Variants in VIPR2 observed in about 807,000 individuals in gnomAD.
VIPR2 encodes vasoactive intestinal polypeptide receptor 2.
Under a neutral mutation model 58.0 loss-of-function variants are expected in VIPR2, and 48 were observed. That is an observed-to-expected ratio of 0.83 (90% CI 0.66 to 1.05). The LOEUF is 1.05. Among genes scored for constraint, VIPR2 ranks in the 50% least tolerant of loss-of-function variants. VIPR2 has a pLI of 0.00. For missense variants in VIPR2, 534 were observed against 558.0 expected (o/e 0.96, Z 0.43); for synonymous variants, 243 against 235.2 (o/e 1.03, Z -0.30).
rs1213920807 is a variant in VIPR2, at chr7:159,089,985, G to A, written c.357+13772C>T. ...ATCAAAAGCAAGGCAGGCACCAAAGGAGACACTTAGCACAGACATGCTGGG... is the reference window on the plus strand; with the variant it reads ...ATCAAAAGCAAGGCAGGCACCAAAGAAGACACTTAGCACAGACATGCTGGG... On this transcript the variant is annotated intron_variant, in intron 4 of 12. Coordinates refer to ENST00000262178, the MANE Select transcript of VIPR2 (RefSeq NM_003382.5). 4.6e-5 allele frequency among the ~76,000 whole-genome samples: 7 copies of A among 152,160 alleles called. No individual in the cohort carries two copies. In the East Asian group the frequency reaches 1.4e-3, roughly 29 times the overall value.
intron 6 of VIPR2, among the ~76,000 whole-genome samples, chr7:159,039,213 C>A (rs1288345550): frequency 6.6e-6 from 1 of 152,220 alleles, no homozygotes; most frequent in Non-Finnish European, 1.5e-5. Flanking sequence ...AATCCCAGCA[C>A]TTTGGGAGGC....
intron 8 of VIPR2, among the ~76,000 whole-genome samples, chr7:159,035,545 G>T (rs998265350): frequency 6.6e-6 from 1 of 152,238 alleles, no homozygotes; most frequent in Non-Finnish European, 1.5e-5. Context: ...GCTCTGGGCC[G>T]CATGAGCCAA....
intron 2 of VIPR2, among the ~76,000 whole-genome samples, chr7:159,139,548 A>G (rs1293269253): frequency 6.6e-6 from 1 of 152,192 alleles, no homozygotes; most frequent in South Asian, 2.1e-4. Context: ...AGTTCCTGAC[A>G]TGTAGATCGA....
At chr7:159,067,486 C>A (rs1407519986) in intron 4 of VIPR2, among the ~76,000 whole-genome samples, 1 of 152,238 alleles carries the variant, frequency 6.6e-6, no homozygotes, top group African/African-American at 2.4e-5. Flanking sequence ...GGCCTGACAC[C>A]TGGAAGCTAC....
At chr7:159,038,081 G>A (rs1854086348) in intron 6 of VIPR2, among the ~76,000 whole-genome samples, 1 of 152,152 alleles carries the variant, frequency 6.6e-6, no homozygotes, top group African/African-American at 2.4e-5. Context: ...TATATATATG[G>A]GTGGATACAC....
At chr7:159,051,359 G>A (rs1237990720) in intron 5 of VIPR2, among the ~76,000 whole-genome samples, 1 of 152,210 alleles carries the variant, frequency 6.6e-6, no homozygotes, top group Non-Finnish European at 1.5e-5. Flanking sequence ...GTTAACTCAT[G>A]AGAAAAGGAT....
intron 4 of VIPR2, among the ~76,000 whole-genome samples, chr7:159,060,443 CCA>C (rs1855581803): frequency 6.6e-6 from 1 of 152,122 alleles, no homozygotes; most frequent in Non-Finnish European, 1.5e-5. Flanking sequence ...CACCTAACCA[CCA>C]CTCTCAATTC....
At chr7:159,041,786 G>A (rs1854360321) in intron 6 of VIPR2, among the ~76,000 whole-genome samples, 1 of 152,112 alleles carries the variant, frequency 6.6e-6, no homozygotes, top group Non-Finnish European at 1.5e-5. Context: ...GTCTGTCAAG[G>A]GTGACTGCTT....
At chr7:159,117,257 T>C in intron 2 of VIPR2, 1 of 714,402 alleles carries the variant, frequency 1.4e-6, no homozygotes, top group South Asian at 1.5e-5. Flanking sequence ...TTATCACCAG[T>C]GTATACCACA....
chr7:159,032,330 G>A (rs1000498953), intron 10 of VIPR2, among the ~76,000 whole-genome samples: 1 of 152,218 alleles, frequency 6.6e-6, no homozygotes, highest in Non-Finnish European at 1.5e-5. Flanking sequence ...AAGGACACAC[G>A]CTGTGTCCTG....
At chr7:159,115,700 CCCTTGG>C (rs1325653797) in intron 2 of VIPR2, among the ~76,000 whole-genome samples, 1 of 152,246 alleles carries the variant, frequency 6.6e-6, no homozygotes, top group Non-Finnish European at 1.5e-5. Flanking sequence ...GCTGGGTCGT[CCCTTGG>C]CCTTTTCAGA....
intron 4 of VIPR2, among the ~76,000 whole-genome samples, chr7:159,086,383 C>T (rs900097453): frequency 9.2e-5 from 14 of 152,182 alleles, no homozygotes; most frequent in Admixed American, 3.3e-4. Context: ...TTCTGACCCA[C>T]GCGGGGGACT....
chr7:159,038,411 C>T (rs528930676), intron 6 of VIPR2, among the ~76,000 whole-genome samples: 30 of 152,302 alleles, frequency 2.0e-4, no homozygotes, highest in South Asian at 4.2e-4. Context: ...CGTGTGTCAA[C>T]GCCTGGTGAA....
At chr7:159,140,773 T>C (rs1184829166) in intron 2 of VIPR2, among the ~76,000 whole-genome samples, 1 of 152,128 alleles carries the variant, frequency 6.6e-6, no homozygotes, top group African/African-American at 2.4e-5. Flanking sequence ...CCGATATGAC[T>C]CACACACGGA....
chr7:159,121,485 G>C (rs1375545097), intron 2 of VIPR2, among the ~76,000 whole-genome samples: 1 of 152,162 alleles, frequency 6.6e-6, no homozygotes, highest in Admixed American at 6.5e-5. Flanking sequence ...AGTTCATTTT[G>C]ACACACTGTT....
chr7:159,046,721 C>T (rs1226857595), intron 5 of VIPR2, among the ~76,000 whole-genome samples: 1 of 152,032 alleles, frequency 6.6e-6, no homozygotes, highest in African/African-American at 2.4e-5. Context: ...GAAATCCACC[C>T]TCCCCCTCAA....
intron 2 of VIPR2, among the ~76,000 whole-genome samples, chr7:159,129,460 GC>G (rs1796797170): frequency 1.3e-5 from 1 of 78,146 alleles, no homozygotes; most frequent in Non-Finnish European, 2.5e-5. Flanking sequence ...CGGGGACAGG[GC>G]CAGGTGACCA....
chr7:159,042,978 G>T (rs1221888675), intron 6 of VIPR2, 57 bp downstream of exon 6: 2 of 1,583,012 alleles, frequency 1.3e-6, no homozygotes, highest in Admixed American at 1.7e-5. Flanking sequence ...ATCGTGAGAA[G>T]AGGGAACAGA....
At position 159,093,990 on chromosome 7, in the gene VIPR2, C is replaced by T. The variant is rs1008196915; in HGVS notation, c.357+9767G>A. Among the ~76,000 whole-genome samples, 6 of 152,214 alleles carry T rather than the reference C, an allele frequency of 3.9e-5. No homozygotes were observed. The highest frequency in any genetic ancestry group is 3.9e-4 in the Admixed American group (6 of 15,286). ...AAGGGTAGGATGGGGAACAGGCTCA[C>T]ATCTGTGATGGGAAAGTCTGCCTTG... On this transcript the variant is annotated intron_variant, in intron 4 of 12. Coordinates refer to ENST00000262178, the MANE Select transcript of VIPR2 (RefSeq NM_003382.5). The surrounding 1 kb of genome is among the most constrained non-coding windows in gnomAD (Gnocchi z 6.7).
Sources: gnomAD v4.1 joint callset for allele counts (sites outside exome capture counted in the v4.1 genomes callset) on GRCh38, gnomAD v4.1.1 for gene constraint, Gnocchi (gnomAD v3.1) non-coding constraint, MANE v1.5 for transcripts, NCBI Gene and HGNC (gene_info 2026-07-23, HGNC 2026-07-21) for gene names.